C19orf47: variants seen among roughly 807,000 people sequenced by gnomAD.
C19orf47 encodes chromosome 19 open reading frame 47.
C19orf47 carries 18 observed loss-of-function variants against 32.3 expected under a neutral mutation model. That is an observed-to-expected ratio of 0.56 (90% CI 0.39 to 0.83). The LOEUF is 0.83. Ranked by LOEUF, C19orf47 falls within the 40% of genes least tolerant of loss-of-function variation. The pLI is 0.00. For missense variants in C19orf47, 484 were observed against 531.6 expected (o/e 0.91, Z 0.88); for synonymous variants, 202 against 211.1 (o/e 0.96, Z 0.37).
intron 4 of C19orf47, among the ~76,000 whole-genome samples, chr19:40,335,686 T>G (rs1310226350): frequency 6.6e-6 from 1 of 151,348 alleles, no homozygotes; most frequent in African/African-American, 2.4e-5. Context: ...CTCGGCTCAC[T>G]GCAAGCTCCG....
chr19:40,347,575 C>G (rs1353176337), intron 1 of C19orf47, among the ~76,000 whole-genome samples: 1 of 152,012 alleles, frequency 6.6e-6, no homozygotes, highest in East Asian at 1.9e-4. Flanking sequence ...AATTTGCCTT[C>G]TCAAATTAAC....
chr19:40,308,982 A>G, the C19orf47 span, among the ~76,000 whole-genome samples: 699 of 152,262 alleles, frequency 4.6e-3, 4 homozygotes, highest in East Asian at 0.031. Context: ...GGATTACCTG[A>G]GCCCAGGAGG....
chr19:40,293,601 G>C, the C19orf47 span, among the ~76,000 whole-genome samples: 1 of 151,696 alleles, frequency 6.6e-6, no homozygotes, highest in African/African-American at 2.4e-5. Flanking sequence ...GAGTAGCTGG[G>C]ATTACAGGCA....
In C19orf47 at chr19:40,326,436, G is replaced by A. The variant is rs377655747; in HGVS notation, c.490C>T (p.Arg164Cys). ...CCCTCCATCTCAGCAGTGACCCGGC[G>A]CCGCTTGGCAGGAACAGCCAGGCTC... ...EESLAVPAKR[R>C]RVTAEMEGKY... Residue 164 changes from arginine to cysteine, a missense_variant, in exon 7 of 9, where the codon CGC (arginine) becomes TGC (cysteine). This residue lies in a region of C19orf47 where 376 missense variants were observed against 370.2 expected (regional missense o/e 1.02). Coordinates refer to ENST00000683109, the MANE Select transcript of C19orf47 (RefSeq NM_001256441.2). The A allele has an allele frequency of 1.1e-5, 18 of 1,614,014 alleles. No homozygotes were observed. The highest frequency in any genetic ancestry group is 5.0e-5 in the Admixed American group (3 of 60,000).
intron 5 of C19orf47, among the ~76,000 whole-genome samples, chr19:40,332,185 C>T (rs574168264): frequency 6.8e-6 from 1 of 147,630 alleles, no homozygotes; most frequent in South Asian, 2.2e-4. Context: ...TGGCAAAACT[C>T]TGTCTCTACT....
At chr19:40,337,220 A>G (rs6508937) in intron 2 of C19orf47, among the ~76,000 whole-genome samples, 16,987 of 151,992 alleles carry the variant, frequency 0.11, 1,378 homozygotes, top group African/African-American at 0.23. Context: ...TGCAGACTCA[A>G]TGAGAACCTC....
the C19orf47 span, among the ~76,000 whole-genome samples, chr19:40,313,531 C>A: frequency 6.6e-6 from 1 of 152,116 alleles, no homozygotes; most frequent in Non-Finnish European, 1.5e-5. Flanking sequence ...CACCATGTTG[C>A]CCAGTCTGGT....
chr19:40,301,329 A>ATTTATTTAT, the C19orf47 span, among the ~76,000 whole-genome samples: 1 of 148,078 alleles, frequency 6.8e-6, no homozygotes, highest in African/African-American at 2.5e-5. Flanking sequence ...TTATTTATTT[A>ATTTATTTAT]TTTATTTATT....
At chr19:40,335,515 G>A (rs1408959725) in intron 4 of C19orf47, among the ~76,000 whole-genome samples, 1 of 152,186 alleles carries the variant, frequency 6.6e-6, no homozygotes, top group Non-Finnish European at 1.5e-5. Context: ...GGAGACCGAG[G>A]CAGGAGGATG....
intron 4 of C19orf47, 39 bp downstream of exon 4, chr19:40,336,071 G>C (rs1260946143): frequency 1.3e-6 from 2 of 1,591,942 alleles, no homozygotes; most frequent in African/African-American, 1.3e-5. Flanking sequence ...CCACCTCCAT[G>C]CCAAACCCAG....
At chr19:40,323,279 C>T (rs1419724567) in intron 8 of C19orf47, among the ~76,000 whole-genome samples, 1 of 152,256 alleles carries the variant, frequency 6.6e-6, no homozygotes, top group Non-Finnish European at 1.5e-5. Context: ...GCCGCACACC[C>T]CAGCACCATG....
the C19orf47 span, among the ~76,000 whole-genome samples, chr19:40,300,416 G>A: frequency 1.3e-5 from 2 of 151,808 alleles, no homozygotes; most frequent in African/African-American, 4.8e-5. Context: ...AGTGAGCCAA[G>A]ATCGCACCAC....
rs768097234 is a variant in C19orf47, at chr19:40,333,881, G to T, written c.271C>A (p.Leu91Ile). The T allele has an allele frequency of 1.9e-6, 3 of 1,580,348 alleles. No individual in the cohort carries two copies. Among genetic ancestry groups the T allele is most frequent in the Non-Finnish European group, 2.6e-6 (3 of 1,161,656 alleles). Residue 91 changes from leucine (L) to isoleucine (I), a missense_variant, in exon 5 of 9, where the codon CTT (leucine) becomes ATT (isoleucine). By Grantham distance (5) the Leu-to-Ile change is conservative (BLOSUM62 2). Around this residue, in one of 3 missense-constraint regions of C19orf47, gnomAD observed 376 missense variants for 370.2 expected, o/e 1.02. Transcript: ENST00000683109. ...TESVPCSPSP[L>I]AGEIRRGTSA... ...GTGCCACGGCGAATTTCGCCTGCAA[G>T]GGGGCTAGGGCTGCAGGGTACTGAC...
At chr19:40,336,963 G>A (rs370760888) in intron 2 of C19orf47, among the ~76,000 whole-genome samples, 5 of 152,322 alleles carry the variant, frequency 3.3e-5, no homozygotes, top group African/African-American at 7.2e-5. Flanking sequence ...CATGGGCTTC[G>A]GAGCTTGGGT....
chr19:40,310,382 G>A, the C19orf47 span, among the ~76,000 whole-genome samples: 6 of 152,310 alleles, frequency 3.9e-5, no homozygotes, highest in South Asian at 4.1e-4. Context: ...AGGTTCAAGC[G>A]ATTCTCGTGC....
Position 40,322,095 on chromosome 19 carries a change from G to T in C19orf47, c.945C>A (p.Ile315=), listed in dbSNP as rs572211663. ...GGGCAGCTGCGCCCAGTCTCTTGAT[G>T]ATGCTGACTTTAGACAAGGACTCCG... The part of the protein sequence containing the change: ...RKPESLSKVS[I]IKRLGAAALV... The change falls in exon 9 of 9, where the codon ATC becomes ATA. Residue 315 remains isoleucine (I), a synonymous_variant. Coordinates refer to ENST00000683109, the MANE Select transcript of C19orf47 (RefSeq NM_001256441.2). 6.2e-7 allele frequency: 1 copy of T among 1,614,186 alleles called. No individual in the cohort carries two copies. Among genetic ancestry groups the T allele is most frequent in the South Asian group, 1.1e-5 (1 of 91,082 alleles).
chr19:40,306,312 G>C, the C19orf47 span, among the ~76,000 whole-genome samples: 2 of 152,054 alleles, frequency 1.3e-5, no homozygotes, highest in African/African-American at 4.8e-5. Context: ...CTTATGGAGG[G>C]GAGAAGAGGG....
At position 40,336,185 on chromosome 19, in the gene C19orf47, T is replaced by C; in HGVS notation, c.147A>G (p.Ile49Met). ...CCACGGTCACGCCCAGCTCATTCAT[T>C]ATCTCCTTATTGAGATCCAGCAGCA... ...KSMLLDLNKE[I>M]MNELGVTVVG... The change falls in exon 4 of 9, where the codon ATA becomes ATG. Residue 49 changes from isoleucine (I) to methionine (M), a missense_variant. Transcript: ENST00000683109. The C allele has an allele frequency of 6.2e-7, 1 of 1,614,208 alleles. No individual in the cohort carries two copies. The highest frequency in any genetic ancestry group is 8.5e-7 in the Non-Finnish European group (1 of 1,180,036).
At chr19:40,328,791 C>T (rs2077889382) in intron 5 of C19orf47, among the ~76,000 whole-genome samples, 1 of 152,130 alleles carries the variant, frequency 6.6e-6, no homozygotes, top group South Asian at 2.1e-4. Flanking sequence ...CTCTAGACCA[C>T]ACTAGTTCTG....
Sources: allele counts gnomAD v4.1 joint callset (sites outside exome capture counted in the v4.1 genomes callset), GRCh38; gene constraint gnomAD v4.1.1; regional missense constraint gnomAD v4.1.1; transcripts MANE v1.5; gene names NCBI Gene and HGNC (gene_info 2026-07-23, HGNC 2026-07-21).